Variants in TMEM201 observed in about 807,000 individuals in gnomAD.
TMEM201 encodes transmembrane protein 201, also known as RP13-15M17.2.
TMEM201 carries 26 observed loss-of-function variants against 63.4 expected under a neutral mutation model. The ratio of observed to expected loss-of-function variants is 0.41; its 90% confidence interval spans 0.30 to 0.57. The LOEUF is 0.57. Among genes scored for constraint, TMEM201 ranks in the 20% least tolerant of loss-of-function variants. The pLI is 0.29. For synonymous variants in TMEM201, 417 were observed against 421.6 expected, an observed-to-expected ratio of 0.99 and a Z score of 0.14; for missense variants, 794 against 917.7, an observed-to-expected ratio of 0.87 and a Z score of 1.74.
chr1:9,602,341 G>C (rs771526564), intron 6 of TMEM201, 69 bp downstream of exon 6: 2 of 1,570,444 alleles, frequency 1.3e-6, no homozygotes, highest in South Asian at 2.3e-5. Context: ...TGCCAGGTCC[G>C]AAGCGGGCCC....
intron 4 of TMEM201, among the ~76,000 whole-genome samples, chr1:9,600,766 C>A (rs1338257319): frequency 2.0e-5 from 3 of 152,088 alleles, no homozygotes; most frequent in Non-Finnish European, 2.9e-5. Context: ...AAAAAAAATA[C>A]AAAATTAGCT....
chr1:9,607,718 C>T lies in TMEM201; in HGVS notation c.1322C>T (p.Ser441Leu). 8 of 1,551,880 alleles carry T rather than the reference C, an allele frequency of 5.2e-6. No homozygotes were observed. The highest frequency in any genetic ancestry group is 7.0e-6 in the Non-Finnish European group (8 of 1,147,082). ...CTCTTCCGGTCTCCTCGACGGACCT[C>T]ACCCTCCTCATTGCCTGGCCGCCTC... ...QQLFRSPRRT[S>L]PSSLPGRLSR... The change falls in exon 7 of 11, where the codon TCA becomes TTA. Residue 441 changes from serine (S) to leucine (L), a missense_variant. Transcript: ENST00000340381. The surrounding 1 kb of genome is among the most constrained non-coding windows in gnomAD (Gnocchi z 5.4).
chr1:9,595,783 C>G lies in TMEM201; in HGVS notation c.114-107C>G, dbSNP rs188777119. 6.5e-4 allele frequency: 991 copies of G among 1,528,678 alleles called. 5 individuals carry two copies. Among genetic ancestry groups the G allele is most frequent in the Non-Finnish European group, 2.0e-4 (223 of 1,128,822 alleles). The allele number at this position is 1,528,678 out of a possible 1,614,324, so 94.7% of individuals were successfully genotyped here. On this transcript the variant is annotated intron_variant, in intron 1 of 10. Coordinates refer to ENST00000340381, the MANE Select transcript of TMEM201 (RefSeq NM_001130924.3). ...GCTTTGCATCCCCAGATCCCAGATC[C>G]CACTCCCAGCACCCTTTCCCTGGTG... is the stretch of plus-strand genomic sequence containing the variant.
chr1:9,603,152 G>A lies in TMEM201; in HGVS notation c.1160+880G>A. The A allele has an allele frequency of 1.0e-6, 1 of 985,552 alleles. No individual in the cohort carries two copies. Among genetic ancestry groups the A allele is most frequent in the Non-Finnish European group, 1.2e-6 (1 of 830,022 alleles). 61.1% of individuals were successfully genotyped at this position (985,552 alleles called of 1,614,324 possible). A position where few individuals can be genotyped will look rare whatever the true frequency, so the allele number is the denominator to read the frequency against. ...TGACCTGTCACGAGCCTCTGCAGGT[G>A]CCTGCTCACCATGGCCCAGCGCCAC... On this transcript the variant is annotated intron_variant, in intron 6 of 10. Transcript: ENST00000340381. This position sits in a 1 kb window ranked among gnomAD's most constrained non-coding sequence, Gnocchi z 4.5.
In TMEM201 at chr1:9,611,014, G is replaced by GT. The variant is rs1312605204; in HGVS notation, c.1765+211dup. On this transcript the variant is annotated intron_variant, in intron 9 of 10. Coordinates refer to ENST00000340381, the MANE Select transcript of TMEM201 (RefSeq NM_001130924.3). ...GCTGATTTCAGTTTCTCCTTTTGCA[G>GT]TTGACCTTCAGGGTCCTCTGTTTCT... The GT allele has an allele frequency of 3.5e-5, 54 of 1,531,434 alleles. No homozygotes were observed. In the Admixed American group the frequency reaches 1.1e-3, roughly 30 times the overall value. 94.9% of individuals were successfully genotyped at this position (1,531,434 alleles called of 1,614,324 possible).
chr1:9,610,912 G>A lies in TMEM201; in HGVS notation c.1765+107G>A, dbSNP rs577418766. The A allele has an allele frequency of 3.3e-4, 493 of 1,488,988 alleles. 3 individuals are homozygous for A. The South Asian group carries it at 3.7e-3, about 11-fold the overall frequency. The allele number at this position is 1,488,988 out of a possible 1,614,324, so 92.2% of individuals were successfully genotyped here. On this transcript the variant is annotated intron_variant, in intron 9 of 10. Coordinates refer to ENST00000340381, the MANE Select transcript of TMEM201 (RefSeq NM_001130924.3). This position sits in a 1 kb window ranked among gnomAD's most constrained non-coding sequence, Gnocchi z 4.9. ...CATCCTTGCTCTGACTCCGGTGTGC[G>A]CCTTCCCACCCTGGAGCTCTAGGCA... is the stretch of plus-strand genomic sequence containing the variant.
intron 10 of TMEM201, 69 bp downstream of exon 10, chr1:9,611,959 G>C: frequency 2.1e-6 from 3 of 1,451,652 alleles, no homozygotes; most frequent in African/African-American, 1.4e-5. Flanking sequence ...CCCCCAGGGG[G>C]GTCCAGAGCA....
Position 9,604,623 on chromosome 1 carries a change from C to T in TMEM201, c.1160+2351C>T, listed in dbSNP as rs966505236. 1.4e-4 allele frequency: 138 copies of T among 985,416 alleles called. No homozygotes were observed. Among genetic ancestry groups the T allele is most frequent in the Middle Eastern group, 5.2e-4 (1 of 1,936 alleles). The allele number at this position is 985,416 out of a possible 1,614,324, so 61.0% of individuals were successfully genotyped here. A position where few individuals can be genotyped will look rare whatever the true frequency, so the allele number is the denominator to read the frequency against. Reference sequence around the variant, plus strand: ...TGGGGTCATCCTAGGTATGGGTGACCGTCCCTGAGACATAAGCGAGGTAGA... The same window carrying T: ...TGGGGTCATCCTAGGTATGGGTGACTGTCCCTGAGACATAAGCGAGGTAGA... On this transcript the variant is annotated intron_variant, in intron 6 of 10. Transcript: ENST00000340381. This position sits in a 1 kb window ranked among gnomAD's most constrained non-coding sequence, Gnocchi z 4.1.
In TMEM201 at chr1:9,610,286, G is replaced by A. The variant is rs966760648; in HGVS notation, c.1466-220G>A. Among the ~76,000 whole-genome samples, 22 of 152,148 alleles carry A rather than the reference G, an allele frequency of 1.4e-4. No individual in the cohort carries two copies. Among genetic ancestry groups the A allele is most frequent in the African/African-American group, 5.1e-4 (21 of 41,438 alleles). On this transcript the variant is annotated intron_variant, in intron 8 of 10. Transcript: ENST00000340381. The surrounding 1 kb of genome is among the most constrained non-coding windows in gnomAD (Gnocchi z 4.9). ...TTTGGATGGAAATCAAGGGCAGAAG[G>A]CCATGGCTGAGGCTCCGGGATCTCT...
At chr1:9,595,456 G>A (rs937420177) in intron 1 of TMEM201, among the ~76,000 whole-genome samples, 1 of 152,044 alleles carries the variant, frequency 6.6e-6, no homozygotes, top group Non-Finnish European at 1.5e-5. Flanking sequence ...AGGACCTCGT[G>A]GGGGAGGGGT....
chr1:9,598,650 G>A lies in TMEM201; in HGVS notation c.606+25G>A, dbSNP rs552749936. Reference sequence around the variant, plus strand: ...GGTGAGAGGCGGCATCCACAGGGCGGGGGTGGGGGTGTTGAGTTTGTTCAG... The same window carrying A: ...GGTGAGAGGCGGCATCCACAGGGCGAGGGTGGGGGTGTTGAGTTTGTTCAG... On this transcript the variant is annotated intron_variant, in intron 4 of 10. Transcript: ENST00000340381. 1.1e-5 allele frequency: 17 copies of A among 1,596,788 alleles called. No individual in the cohort carries two copies. The African/African-American group carries it at 1.3e-4, about 13-fold the overall frequency.
Position 9,610,388 on chromosome 1 carries a change from TCTG to T in TMEM201, c.1466-116_1466-114del. 2 of 1,075,884 alleles carry T rather than the reference TCTG, an allele frequency of 1.9e-6. No homozygotes were observed. The highest frequency in any genetic ancestry group is 2.6e-6 in the Non-Finnish European group (2 of 769,056). The allele number at this position is 1,075,884 out of a possible 1,614,324, so 66.6% of individuals were successfully genotyped here. On this transcript the variant is annotated intron_variant, in intron 8 of 10. Coordinates refer to ENST00000340381, the MANE Select transcript of TMEM201 (RefSeq NM_001130924.3). The surrounding 1 kb of genome is among the most constrained non-coding windows in gnomAD (Gnocchi z 4.9). ...GCAGGACTTCCCCCTGTCCCCAGTC[TCTG>T]CACCTTTCCTGTCTTCCCGGGTTAA...
chr1:9,589,065 A>C, intron 1 of TMEM201, 22 bp downstream of exon 1: 1 of 995,376 alleles, frequency 1.0e-6, no homozygotes, highest in Non-Finnish European at 1.2e-6. Context: ...GTTCGGCCCC[A>C]CGCGGCCCTC....
intron 10 of TMEM201, 100 bp from the exon 11 acceptor site, chr1:9,612,886 G>A: frequency 2.0e-6 from 2 of 1,018,818 alleles, no homozygotes; most frequent in Non-Finnish European, 3.0e-6. Context: ...CCTGGGCAGA[G>A]CCTTGAGCTC....
intron 1 of TMEM201, among the ~76,000 whole-genome samples, chr1:9,589,811 G>A (rs1281396238): frequency 6.6e-6 from 1 of 152,254 alleles, no homozygotes; most frequent in African/African-American, 2.4e-5. Flanking sequence ...TTTCCAGAGG[G>A]CAGGGGGGAA....
At position 9,598,607 on chromosome 1, in the gene TMEM201, C is replaced by T. The variant is rs150930634; in HGVS notation, c.588C>T (p.Ala196=). 6.8e-5 allele frequency: 109 copies of T among 1,612,998 alleles called. No homozygotes were observed. Among genetic ancestry groups the T allele is most frequent in the Non-Finnish European group, 8.1e-5 (96 of 1,179,882 alleles). ...LLSHQFKRRE[A]DQTHAQNFSS... is the part of the protein sequence containing the mutation. ...GCCACCAGTTCAAGCGCCGGGAGGCCGACCAGACCCACGCACAGGTGAGAG... is the reference window on the plus strand; with the variant it reads ...GCCACCAGTTCAAGCGCCGGGAGGCTGACCAGACCCACGCACAGGTGAGAG... The change falls in exon 4 of 11, where the codon GCC becomes GCT. Residue 196 remains alanine (A), a synonymous_variant. Transcript: ENST00000340381.
chr1:9,607,524 T>C lies in TMEM201; in HGVS notation c.1161-33T>C, dbSNP rs1216379487. 10 of 1,513,620 alleles carry C rather than the reference T, an allele frequency of 6.6e-6. No homozygotes were observed. The highest frequency in any genetic ancestry group is 1.8e-6 in the Non-Finnish European group (2 of 1,122,960). 93.8% of individuals were successfully genotyped at this position (1,513,620 alleles called of 1,614,324 possible). A position where few individuals can be genotyped will look rare whatever the true frequency, so the allele number is the denominator to read the frequency against. ...TGCCTCCAGGACCTCCCGCTGACCC[T>C]CTTCTTGTCCCGTGCCTGACGGGCC... is the stretch of plus-strand genomic sequence containing the variant. On this transcript the variant is annotated intron_variant, in intron 6 of 10. Transcript: ENST00000340381. This position sits in a 1 kb window ranked among gnomAD's most constrained non-coding sequence, Gnocchi z 5.4.
Position 9,597,079 on chromosome 1 carries a change from G to T in TMEM201, c.429+26G>T, listed in dbSNP as rs1291238234. The T allele has an allele frequency of 2.5e-6, 4 of 1,584,550 alleles. No individual in the cohort carries two copies. In the South Asian group the frequency reaches 3.4e-5, roughly 13 times the overall value. On this transcript the variant is annotated intron_variant, in intron 3 of 10. Transcript: ENST00000340381. ...GTGAGGCCGGGTTGGGAGGGCAGGG[G>T]TCCTGGCTGGGGCCAGGGATGCTTA...
intron 6 of TMEM201, among the ~76,000 whole-genome samples, chr1:9,606,006 G>C (rs1057212942): frequency 6.6e-6 from 1 of 152,140 alleles, no homozygotes; most frequent in South Asian, 2.1e-4. Flanking sequence ...GAAGCCTAGC[G>C]CAGAGCCCTG....
Sources: gnomAD v4.1 joint callset for allele counts (sites outside exome capture counted in the v4.1 genomes callset) on GRCh38, gnomAD v4.1.1 for gene constraint, Gnocchi (gnomAD v3.1) non-coding constraint, MANE v1.5 for transcripts, NCBI Gene and HGNC (gene_info 2026-07-23, HGNC 2026-07-21) for gene names.